Variants in SULF1 observed in about 807,000 individuals in gnomAD.
The protein encoded by SULF1 is extracellular sulfatase Sulf-1.
SULF1 carries 46 observed loss-of-function variants against 110.5 expected under a neutral mutation model. That is an observed-to-expected ratio of 0.42 (90% confidence interval 0.33 to 0.53). SULF1 has a LOEUF of 0.53. Among genes scored for constraint, SULF1 ranks in the 20% least tolerant of loss-of-function variants. The pLI is 0.12. For missense variants in SULF1, 941 were observed against 1,094.2 expected (o/e 0.86, Z 1.98); for synonymous variants, 371 against 387.1 (o/e 0.96, Z 0.49).
intron 6 of SULF1, among the ~76,000 whole-genome samples, chr8:69,576,888 T>C (rs1805648473): frequency 6.6e-6 from 1 of 152,256 alleles, no homozygotes; most frequent in South Asian, 2.1e-4. Context: ...TATGTTATGA[T>C]TAAAGCTTGT....
intron 1 of SULF1, among the ~76,000 whole-genome samples, chr8:69,478,359 A>G (rs992665907): frequency 1.3e-5 from 2 of 152,110 alleles, no homozygotes; most frequent in Non-Finnish European, 2.9e-5. Flanking sequence ...CTGTCTCCCA[A>G]TTTTCTGCAG....
upstream of SULF1, among the ~76,000 whole-genome samples, chr8:69,490,137 G>A (rs1429240351): frequency 7.8e-6 from 1 of 128,390 alleles, no homozygotes; most frequent in African/African-American, 3.0e-5. Flanking sequence ...GGGTCTCACT[G>A]TGTTGCCCAG....
chr8:69,605,150 AGAT>A (rs1256500847), intron 13 of SULF1, among the ~76,000 whole-genome samples: 11 of 152,370 alleles, frequency 7.2e-5, no homozygotes, highest in African/African-American at 2.4e-4. Flanking sequence ...CAGTTAAAAA[AGAT>A]GATGATCTCA....
chr8:69,491,658 C>T (rs1302022394), upstream of SULF1, among the ~76,000 whole-genome samples: 1 of 152,308 alleles, frequency 6.6e-6, no homozygotes. Flanking sequence ...ATCCGACAAC[C>T]GTCCATATTT....
chr8:69,602,502 A>C (rs1460649945), intron 10 of SULF1, among the ~76,000 whole-genome samples: 1 of 152,216 alleles, frequency 6.6e-6, no homozygotes, highest in Non-Finnish European at 1.5e-5. Flanking sequence ...GCCCTTGAAA[A>C]GCATCTAGCC....
At chr8:69,529,128 A>G (rs1305038327) in intron 3 of SULF1, among the ~76,000 whole-genome samples, 1 of 152,146 alleles carries the variant, frequency 6.6e-6, no homozygotes, top group Non-Finnish European at 1.5e-5. Flanking sequence ...GGAAAGTTTA[A>G]CCTGTGCCAG....
chr8:69,520,282 T>C (rs2150610078), intron 3 of SULF1, among the ~76,000 whole-genome samples: 1 of 152,262 alleles, frequency 6.6e-6, no homozygotes, highest in South Asian at 2.1e-4. Flanking sequence ...TTGTTCCTTT[T>C]TGACTATATT....
intron 3 of SULF1, among the ~76,000 whole-genome samples, chr8:69,503,935 A>G (rs1810986203): frequency 6.6e-6 from 1 of 151,872 alleles, no homozygotes; most frequent in Non-Finnish European, 1.5e-5. Context: ...AAGTAGCTGG[A>G]ACTACAGACA....
intron 1 of SULF1, 87 bp downstream of exon 1, chr8:69,493,212 T>C (rs577107249): frequency 1.2e-4 from 18 of 152,650 alleles, no homozygotes; most frequent in Non-Finnish European, 2.4e-4. Flanking sequence ...ATTTATTCAT[T>C]ATTCATCATA....
chr8:69,576,333 A>T (rs958226850), intron 6 of SULF1, 124 bp downstream of exon 6: 15 of 1,113,812 alleles, frequency 1.3e-5, no homozygotes, highest in Non-Finnish European at 1.9e-5. Flanking sequence ...GTGTTTTTAA[A>T]CTGCTTGACA....
At chr8:69,623,868 G>A in intron 14 of SULF1, 74 bp from the exon 15 acceptor site, 2 of 1,534,580 alleles carry the variant, frequency 1.3e-6, no homozygotes, top group Non-Finnish European at 1.8e-6. Flanking sequence ...ATCCCTTCTG[G>A]ACCAGGTGAT....
Position 69,659,531 on chromosome 8 carries a change from A to G in SULF1, c.*996A>G, listed in dbSNP as rs929600110. ...CCAAGAGTAGAAAGAAAGGCTGGGG[A>G]TATTTGGGTTGGCTTGGTTTTGATT... On this transcript the variant is annotated 3_prime_UTR_variant, in exon 23 of 23. Transcript: ENST00000402687. 1.2e-5 allele frequency: 3 copies of G among 249,618 alleles called. No homozygotes were observed. Among genetic ancestry groups the G allele is most frequent in the Non-Finnish European group, 2.4e-5 (3 of 126,798 alleles). 15.5% of individuals were successfully genotyped at this position (249,618 alleles called of 1,614,324 possible).
rs563263960 is a variant in SULF1, at chr8:69,526,611, A to G, written c.-134+24643A>G. Among the ~76,000 whole-genome samples the G allele has an allele frequency of 1.5e-4, 21 of 135,988 alleles. No individual in the cohort carries two copies. In the South Asian group the frequency reaches 3.7e-3, roughly 24 times the overall value. The allele number at this position is 135,988 out of a possible 152,430, so 89.2% of individuals were successfully genotyped here. On this transcript the variant is annotated intron_variant, in intron 3 of 22. Transcript: ENST00000402687. ...ACAGTATCTCTACCAAAAAAAAAAA[A>G]AAAGAAAGAAAGAAAGAAAGAAAAG... is the stretch of plus-strand genomic sequence containing the variant.
At chr8:69,515,372 C>T (rs1302985360) in intron 3 of SULF1, among the ~76,000 whole-genome samples, 1 of 152,202 alleles carries the variant, frequency 6.6e-6, no homozygotes, top group Non-Finnish European at 1.5e-5. Context: ...CCCCTGTTAG[C>T]CATGGCTGGA....
intron 19 of SULF1, among the ~76,000 whole-genome samples, chr8:69,630,543 G>A (rs1209384726): frequency 1.3e-5 from 2 of 152,050 alleles, no homozygotes; most frequent in African/African-American, 4.8e-5. Flanking sequence ...TGATTTCAGG[G>A]TCCATGTTTG....
chr8:69,486,323 A>T (rs57915177), intron 1 of SULF1, among the ~76,000 whole-genome samples: 15,010 of 57,464 alleles, frequency 0.26, 860 homozygotes, highest in East Asian at 0.44. Flanking sequence ...GGCTTTTTTT[A>T]AAAAAAAAAA....
At chr8:69,518,425 C>T (rs1197182362) in intron 3 of SULF1, among the ~76,000 whole-genome samples, 3 of 152,152 alleles carry the variant, frequency 2.0e-5, no homozygotes, top group African/African-American at 7.2e-5. Flanking sequence ...CTGGCATTTT[C>T]ACATGTCTAG....
intron 3 of SULF1, among the ~76,000 whole-genome samples, chr8:69,540,739 C>A (rs576263974): frequency 6.4e-4 from 98 of 152,186 alleles, no homozygotes; most frequent in Non-Finnish European, 1.2e-3. Context: ...ACTTGAGATA[C>A]ATATGTGTTA....
At position 69,629,587 on chromosome 8, in the gene SULF1, G is replaced by A; in HGVS notation, c.2192G>A (p.Arg731Lys). The change falls in exon 19 of 23, where the codon AGA becomes AAA. Residue 731 changes from arginine to lysine, a missense_variant. Around this residue, in one of 3 missense-constraint regions of SULF1, gnomAD observed 822 missense variants for 934.3 expected, o/e 0.88. Coordinates refer to ENST00000402687, the MANE Select transcript of SULF1 (RefSeq NM_001128205.2). Reference protein sequence around the residue: ...RRRKKERKEKRRQRKGEECSL... With the variant: ...RRRKKERKEKKRQRKGEECSL... The stretch of plus-strand genomic sequence containing the variant: ...AGGAAGAAGGAGAGGAAGGAGAAGA[G>A]ACGGCAGAGGAAGGGGGAAGAGTGC... 6.2e-7 allele frequency: 1 copy of A among 1,614,068 alleles called. No homozygotes were observed. Among genetic ancestry groups the A allele is most frequent in the African/African-American group, 1.3e-5 (1 of 75,036 alleles).
Sources: gnomAD v4.1 joint callset for allele counts (sites outside exome capture counted in the v4.1 genomes callset) on GRCh38, gnomAD v4.1.1 for gene constraint, gnomAD v4.1.1 regional missense constraint, MANE v1.5 for transcripts, NCBI Gene and HGNC (gene_info 2026-07-23, HGNC 2026-07-21) for gene names.